Variants in SLC12A9 observed in about 807,000 individuals in gnomAD.
SLC12A9 encodes CCC-interacting protein 1.
Under a neutral mutation model 66.0 loss-of-function variants are expected in SLC12A9, and 55 were observed. The observed-to-expected ratio is 0.83, with a 90% CI of 0.67 to 1.04. The LOEUF is 1.04. Among genes scored for constraint, SLC12A9 ranks in the 50% least tolerant of loss-of-function variants. The pLI is 0.00. For synonymous variants in SLC12A9, 577 were observed against 569.0 expected, an observed-to-expected ratio of 1.01 and a Z score of -0.20; for missense variants, 1,061 against 1,241.9, an observed-to-expected ratio of 0.85 and a Z score of 2.19.
chr7:100,857,433 G>C lies in SLC12A9; in HGVS notation c.757+257G>C, dbSNP rs1167697438. The C allele has an allele frequency of 5.5e-6, 3 of 547,856 alleles. No homozygotes were observed. The Admixed American group carries it at 9.3e-5, about 17-fold the overall frequency. 33.9% of individuals were successfully genotyped at this position (547,856 alleles called of 1,614,324 possible). On this transcript the variant is annotated intron_variant, in intron 5 of 13. Transcript: ENST00000354161. The stretch of plus-strand genomic sequence containing the variant: ...AGGAGAGACATGCATTCAGGAATCA[G>C]TTAAATAGCACAGAATGGCCCAGCA...
At chr7:100,833,860 G>C (rs546949929) in intron 1 of SLC12A9, among the ~76,000 whole-genome samples, 79 of 148,790 alleles carry the variant, frequency 5.3e-4, no homozygotes, top group Middle Eastern at 3.4e-3. Context: ...GGGAACCCGG[G>C]AGGCGGAGCT....
At chr7:100,829,022 C>G (rs1170897224) in intron 1 of SLC12A9, among the ~76,000 whole-genome samples, 6 of 150,990 alleles carry the variant, frequency 4.0e-5, no homozygotes, top group Non-Finnish European at 7.4e-5. Context: ...GAGTCTCCCT[C>G]TATTTCCCAG....
intron 1 of SLC12A9, among the ~76,000 whole-genome samples, chr7:100,842,547 T>G (rs1813810381): frequency 6.6e-6 from 1 of 152,242 alleles, no homozygotes; most frequent in Non-Finnish European, 1.5e-5. Context: ...TGGTCCAATG[T>G]TCTGTGGACC....
chr7:100,858,922 T>C lies in SLC12A9; in HGVS notation c.845T>C (p.Met282Thr), dbSNP rs1814568081. The change falls in exon 6 of 14, where the codon ATG becomes ACG. Residue 282 changes from methionine to threonine, a missense_variant. Coordinates refer to ENST00000354161, the MANE Select transcript of SLC12A9 (RefSeq NM_020246.4). ...AVLFNGCTGI[M>T]AGANMSGELK... ...CTCTTTAACGGCTGTACAGGCATCA[T>C]GGCTGGGGCCAACATGTCAGGTGAG... The C allele has an allele frequency of 1.9e-6, 3 of 1,614,052 alleles. No individual in the cohort carries two copies. Among genetic ancestry groups the C allele is most frequent in the African/African-American group, 1.3e-5 (1 of 74,924 alleles).
chr7:100,836,460 C>T (rs1414929560), intron 1 of SLC12A9, among the ~76,000 whole-genome samples: 1 of 152,096 alleles, frequency 6.6e-6, no homozygotes, highest in African/African-American at 2.4e-5. Flanking sequence ...GAGAGCTCAC[C>T]TGAACCTCAG....
In SLC12A9 at chr7:100,860,056, C is replaced by T; in HGVS notation, c.1135+14C>T. On this transcript the variant is annotated intron_variant, in intron 8 of 13. Coordinates refer to ENST00000354161, the MANE Select transcript of SLC12A9 (RefSeq NM_020246.4). ...ATGACCTCTTTGGTGGGTTCTCTGCCTCCTTGCTGGCTTGGAGCACGCCCT... is the reference window on the plus strand; with the variant it reads ...ATGACCTCTTTGGTGGGTTCTCTGCTTCCTTGCTGGCTTGGAGCACGCCCT... The T allele has an allele frequency of 6.2e-7, 1 of 1,614,190 alleles. No homozygotes were observed. Among genetic ancestry groups the T allele is most frequent in the Non-Finnish European group, 8.5e-7 (1 of 1,180,038 alleles).
At position 100,859,915 on chromosome 7, in the gene SLC12A9, C is replaced by T; in HGVS notation, c.1008C>T (p.Phe336=). The T allele has an allele frequency of 6.2e-7, 1 of 1,607,056 alleles. No homozygotes were observed. The change falls in exon 8 of 14, where the codon TTC becomes TTT. Residue 336 remains phenylalanine, a synonymous_variant. Transcript: ENST00000354161. ...RTLLQEDYGF[F]RAISLWPPLV... The stretch of plus-strand genomic sequence containing the variant: ...TGCTGCAGGAAGACTATGGGTTCTT[C>T]CGCGCCATCAGCCTGTGGCCCCCAC...
chr7:100,839,295 G>A (rs1342834610), intron 1 of SLC12A9, among the ~76,000 whole-genome samples: 1 of 152,004 alleles, frequency 6.6e-6, no homozygotes, highest in South Asian at 2.1e-4. Context: ...CTGCACTCCA[G>A]CCTGGGCGAC....
chr7:100,863,143 C>T (rs1814868319), intron 13 of SLC12A9, among the ~76,000 whole-genome samples: 1 of 150,804 alleles, frequency 6.6e-6, no homozygotes, highest in Admixed American at 6.6e-5. Flanking sequence ...TGGCTCACTG[C>T]CTCCTCCACC....
chr7:100,860,390 T>C (rs1814674266), intron 9 of SLC12A9, 158 bp downstream of exon 9: 6 of 736,528 alleles, frequency 8.1e-6, no homozygotes, highest in Admixed American at 3.0e-5. Context: ...TTTGTGGGGT[T>C]CACCAGCACC....
At position 100,860,233 on chromosome 7, in the gene SLC12A9, G is replaced by T. The variant is rs372726782; in HGVS notation, c.1218+1G>T. The T allele has an allele frequency of 6.2e-7, 1 of 1,613,522 alleles. No individual in the cohort carries two copies. Among genetic ancestry groups the T allele is most frequent in the South Asian group, 1.1e-5 (1 of 91,004 alleles). ...ACTTTATTCTTGGGGCCTGGTGCAG[G>T]TGAGCCTTCTTCTTCAAGGGGCCCT... On this transcript the variant is annotated splice_donor_variant, in intron 9 of 13. Coordinates refer to ENST00000354161, the MANE Select transcript of SLC12A9 (RefSeq NM_020246.4). LOFTEE classifies it high-confidence loss of function.
intron 9 of SLC12A9, chr7:100,860,616 G>T: frequency 2.8e-6 from 1 of 363,236 alleles, no homozygotes; most frequent in Non-Finnish European, 5.2e-6. Flanking sequence ...GGGGTTCACT[G>T]ATACTTTGGA....
In SLC12A9 at chr7:100,854,696, C is replaced by T. The variant is rs747366109; in HGVS notation, c.258C>T (p.Thr86=). 3.7e-5 allele frequency: 60 copies of T among 1,613,882 alleles called. No individual in the cohort carries two copies. The highest frequency in any genetic ancestry group is 3.3e-4 in the Middle Eastern group (2 of 6,084). ...TTGCCTACTTCATCCTGGCACTCAC[C>T]GTCCTCTCTGTCTGTGCCATCGCCA... The part of the protein sequence containing the change: ...LLVAYFILAL[T]VLSVCAIATN... The change falls in exon 3 of 14, where the codon ACC becomes ACT. Residue 86 remains threonine, a synonymous_variant. Transcript: ENST00000354161.
At chr7:100,857,340 C>G in intron 5 of SLC12A9, 164 bp downstream of exon 5, 1 of 810,074 alleles carries the variant, frequency 1.2e-6, no homozygotes, top group Non-Finnish European at 1.9e-6. Context: ...CTAGCGTGTG[C>G]TTGGCCGGCA....
At chr7:100,828,140 T>C (rs1813464709) in intron 1 of SLC12A9, among the ~76,000 whole-genome samples, 1 of 152,176 alleles carries the variant, frequency 6.6e-6, no homozygotes, top group African/African-American at 2.4e-5. Context: ...ACATTCAGTG[T>C]TGGGGACCTA....
In SLC12A9 at chr7:100,856,934, C is replaced by T; in HGVS notation, c.515C>T (p.Ser172Phe). ...QGYGWNLLYG[S>F]LLLGLVGGVC... ...TACGGCTGGAACCTGCTGTATGGCT[C>T]CCTGCTGCTGGGCCTTGTGGGTGGG... Residue 172 changes from serine (S) to phenylalanine (F), a missense_variant, in exon 5 of 14, where the codon TCC (serine) becomes TTC (phenylalanine). Physicochemically the swap from Ser to Phe is radical, Grantham distance 155 (BLOSUM62 -2). Coordinates refer to ENST00000354161, the MANE Select transcript of SLC12A9 (RefSeq NM_020246.4). 6.2e-7 allele frequency: 1 copy of T among 1,612,824 alleles called. No individual in the cohort carries two copies. The highest frequency in any genetic ancestry group is 8.5e-7 in the Non-Finnish European group (1 of 1,180,004).
intron 1 of SLC12A9, among the ~76,000 whole-genome samples, chr7:100,838,051 C>T (rs1813703279): frequency 6.6e-6 from 1 of 151,860 alleles, no homozygotes; most frequent in Non-Finnish European, 1.5e-5. Context: ...TTAGTAGAGA[C>T]AGGGTTTCAC....
upstream of SLC12A9, chr7:100,852,489 C>T (rs1230128304): frequency 6.6e-6 from 1 of 152,244 alleles, no homozygotes; most frequent in Non-Finnish European, 1.5e-5. Flanking sequence ...TGGGGTCCGG[C>T]CCCTGCGGCG....
Position 100,857,120 on chromosome 7 carries a change from C to T in SLC12A9, c.701C>T (p.Pro234Leu), listed in dbSNP as rs771524495. 8.1e-6 allele frequency: 13 copies of T among 1,614,062 alleles called. No individual in the cohort carries two copies. Among genetic ancestry groups the T allele is most frequent in the Non-Finnish European group, 9.3e-6 (11 of 1,180,036 alleles). ...GGCCCCAATGGCTCCTCCCTGCCGC[C>T]CCGGTTTGGCCACTTCACCGGCTTC... The part of the protein sequence containing the change: ...RPGPNGSSLP[P>L]RFGHFTGFNS... Residue 234 changes from proline (P) to leucine (L), a missense_variant, in exon 5 of 14, where the codon CCC becomes CTC. Coordinates refer to ENST00000354161, the MANE Select transcript of SLC12A9 (RefSeq NM_020246.4).
Sources: gnomAD v4.1 joint callset for allele counts (sites outside exome capture counted in the v4.1 genomes callset) on GRCh38, gnomAD v4.1.1 for gene constraint, MANE v1.5 for transcripts, NCBI Gene and HGNC (gene_info 2026-07-23, HGNC 2026-07-21) for gene names.